Variants in CCDC69 observed in about 807,000 individuals in gnomAD.
CCDC69 encodes coiled-coil domain-containing protein 69.
In CCDC69, 38 loss-of-function variants were observed where a neutral mutation model predicts 40.3. That is an observed-to-expected ratio of 0.94 (90% confidence interval 0.73 to 1.24). The LOEUF (loss-of-function observed/expected upper bound fraction) is 1.24, where lower values mean the gene tolerates loss of function less well. CCDC69 is among the 50% of genes most tolerant of loss of function. The pLI is 0.00. For missense variants in CCDC69, 389 were observed against 357.9 expected (o/e 1.09, Z -0.70); for synonymous variants, 141 against 138.9 (o/e 1.02, Z -0.11).
At chr5:151,191,314 TA>T (rs1215993690) in intron 4 of CCDC69, among the ~76,000 whole-genome samples, 3 of 152,174 alleles carry the variant, frequency 2.0e-5, no homozygotes, top group Non-Finnish European at 4.4e-5. Context: ...GCATTCCACA[TA>T]AAACAGCCTG....
chr5:151,186,241 T>TCTTTGG, intron 5 of CCDC69, 117 bp from the exon 6 acceptor site: 1 of 737,712 alleles, frequency 1.4e-6, no homozygotes, highest in Admixed American at 2.0e-5. Flanking sequence ...CTTTGGCTAC[T>TCTTTGG]CTACATGACA....
chr5:151,183,506 C>T lies in CCDC69; in HGVS notation c.822G>A (p.Gly274=), dbSNP rs748868523. The T allele has an allele frequency of 8.1e-6, 13 of 1,608,162 alleles. No individual in the cohort carries two copies. Among genetic ancestry groups the T allele is most frequent in the Non-Finnish European group, 1.1e-5 (13 of 1,178,082 alleles). ...EKEELLYRVL[G]ANASPAFPLA... ...GAGGGAAGGCAGGCGAGGCATTGGCCCCAAGGACCCGGTACAACAGCTCCT... is the reference window on the plus strand; with the variant it reads ...GAGGGAAGGCAGGCGAGGCATTGGCTCCAAGGACCCGGTACAACAGCTCCT... The change falls in exon 9 of 9, where the codon GGG becomes GGA. Residue 274 remains glycine (G), a synonymous_variant. Coordinates refer to ENST00000355417, the MANE Select transcript of CCDC69 (RefSeq NM_015621.3).
chr5:151,205,425 T>C lies in CCDC69; in HGVS notation c.99A>G (p.Glu33=), dbSNP rs748115189. 1 of 1,614,140 alleles carries C rather than the reference T, an allele frequency of 6.2e-7. No individual in the cohort carries two copies. The highest frequency in any genetic ancestry group is 8.5e-7 in the Non-Finnish European group (1 of 1,180,012). ...CTGTGTCCCCATTGAGGGGACCTAA[T>C]TCATGGGGCTCTGGTCTGGGTGGCT... The part of the protein sequence containing the change: ...PEQPPRPEPH[E]LGPLNGDTAI... Residue 33 remains glutamate (E), a synonymous_variant, in exon 2 of 9, where the codon GAA becomes GAG. Coordinates refer to ENST00000355417, the MANE Select transcript of CCDC69 (RefSeq NM_015621.3).
intron 3 of CCDC69, among the ~76,000 whole-genome samples, chr5:151,200,690 T>C (rs2113993312): frequency 6.6e-6 from 1 of 152,308 alleles, no homozygotes. Flanking sequence ...CACTTTAGTG[T>C]CCTTCAATCT....
At chr5:151,190,930 A>G (rs540135521) in intron 4 of CCDC69, among the ~76,000 whole-genome samples, 46 of 152,244 alleles carry the variant, frequency 3.0e-4, no homozygotes, top group African/African-American at 1.1e-3. Context: ...CAATAACAAC[A>G]GTAAATTAAA....
chr5:151,184,091 T>C (rs1480804638), intron 8 of CCDC69, among the ~76,000 whole-genome samples: 2 of 152,208 alleles, frequency 1.3e-5, no homozygotes, highest in Non-Finnish European at 2.9e-5. Context: ...CCTCCCTATA[T>C]TGGGCTTTCC....
At chr5:151,216,439 G>GTCT (rs1324720202) in intron 1 of CCDC69, among the ~76,000 whole-genome samples, 1 of 130,646 alleles carries the variant, frequency 7.7e-6, no homozygotes, top group Admixed American at 8.2e-5. Context: ...TTGAGACTGA[G>GTCT]TCTTGCTCTG....
intron 3 of CCDC69, 128 bp downstream of exon 3, chr5:151,201,454 C>A (rs1006540455): frequency 4.9e-6 from 3 of 612,134 alleles, no homozygotes; most frequent in South Asian, 2.1e-5. Flanking sequence ...ATAAAGGACT[C>A]CCTTCCTGGT....
At chr5:151,222,687 G>A (rs944314597) in intron 1 of CCDC69, among the ~76,000 whole-genome samples, 7 of 152,284 alleles carry the variant, frequency 4.6e-5, no homozygotes, top group Admixed American at 1.3e-4. Context: ...AGGTCTCTCC[G>A]CCTTGTCATC....
intron 1 of CCDC69, chr5:151,215,618 C>G (rs1015280430): frequency 2.4e-6 from 1 of 418,078 alleles, no homozygotes; most frequent in African/African-American, 2.0e-5. Context: ...GAACCTGGAG[C>G]CCTCCACACC....
At chr5:151,209,709 AG>A (rs1752902885) in intron 1 of CCDC69, among the ~76,000 whole-genome samples, 1 of 151,888 alleles carries the variant, frequency 6.6e-6, no homozygotes, top group South Asian at 2.1e-4. Context: ...CCTCCCAAGT[AG>A]CTGGGACTAC....
In CCDC69 at chr5:151,198,273, G is replaced by A. The variant is rs1752726896; in HGVS notation, c.319+724C>T. 2.6e-5 allele frequency among the ~76,000 whole-genome samples: 4 copies of A among 151,610 alleles called. No homozygotes were observed. The South Asian group carries it at 8.3e-4, about 32-fold the overall frequency. On this transcript the variant is annotated intron_variant, in intron 4 of 8. Transcript: ENST00000355417. ...CTGAAGTTTAGACCCAGGGACTGGA[G>A]CTCTAGAGAATGAGATTGATCTATC...
chr5:151,212,064 G>A (rs1752960985), intron 1 of CCDC69: 1 of 142,702 alleles, frequency 7.0e-6, no homozygotes, highest in Non-Finnish European at 1.5e-5. Flanking sequence ...CCTTCCAAAA[G>A]AGGGGTGGGG....
chr5:151,190,286 T>TA (rs1752589320), intron 4 of CCDC69, among the ~76,000 whole-genome samples: 1 of 152,214 alleles, frequency 6.6e-6, no homozygotes, highest in South Asian at 2.1e-4. Context: ...GTAGATGTAA[T>TA]ACATGAGATA....
At chr5:151,216,359 G>C (rs1261515250) in intron 1 of CCDC69, among the ~76,000 whole-genome samples, 1 of 151,562 alleles carries the variant, frequency 6.6e-6, no homozygotes, top group African/African-American at 2.4e-5. Context: ...AATTACTGTG[G>C]TCAAGGAAGG....
chr5:151,209,800 G>A (rs1351163075), intron 1 of CCDC69, among the ~76,000 whole-genome samples: 4 of 152,072 alleles, frequency 2.6e-5, no homozygotes, highest in East Asian at 3.9e-4. Flanking sequence ...GGATGGTCTC[G>A]GACTCCTAGG....
chr5:151,209,170 G>A (rs183730959), intron 1 of CCDC69, among the ~76,000 whole-genome samples: 77 of 152,310 alleles, frequency 5.1e-4, no homozygotes, highest in African/African-American at 1.7e-3. Context: ...TCCATGCCTC[G>A]GATTTCTCAT....
intron 2 of CCDC69, 106 bp from the exon 3 acceptor site, chr5:151,201,794 C>T: frequency 3.3e-6 from 2 of 606,752 alleles, no homozygotes; most frequent in Non-Finnish European, 5.6e-6. Flanking sequence ...GGATGAGAAC[C>T]CTGGTCTCTG....
At chr5:151,205,798 G>A (rs570767411) in intron 1 of CCDC69, among the ~76,000 whole-genome samples, 9 of 152,266 alleles carry the variant, frequency 5.9e-5, no homozygotes, top group African/African-American at 1.9e-4. Flanking sequence ...TCTTCTCCCG[G>A]GATCTGGCCG....
Sources: gnomAD v4.1 joint callset for allele counts (sites outside exome capture counted in the v4.1 genomes callset) on GRCh38, gnomAD v4.1.1 for gene constraint, MANE v1.5 for transcripts, NCBI Gene and HGNC (gene_info 2026-07-23, HGNC 2026-07-21) for gene names.